Variants in CSDC2 observed in about 807,000 individuals in gnomAD.
The protein encoded by CSDC2 is cold shock domain-containing protein C2.
A neutral mutation model predicts 15.8 loss-of-function variants in CSDC2; 8 were observed. That is an observed-to-expected ratio of 0.51 (90% CI 0.30 to 0.92). The LOEUF (loss-of-function observed/expected upper bound fraction) is 0.92, where lower values mean the gene tolerates loss of function less well. Ranked by LOEUF, CSDC2 falls within the 40% of genes least tolerant of loss-of-function variation. The pLI, the probability that CSDC2 is intolerant of heterozygous loss-of-function variation, is 0.07. For synonymous variants in CSDC2, 96 were observed against 92.3 expected, an observed-to-expected ratio of 1.04 and a Z score of -0.23; for missense variants, 195 against 213.3, an observed-to-expected ratio of 0.91 and a Z score of 0.53.
In CSDC2 at chr22:41,574,714, C is replaced by T; in HGVS notation, c.300-19C>T. 6.2e-7 allele frequency: 1 copy of T among 1,612,286 alleles called. No individual in the cohort carries two copies. Among genetic ancestry groups the T allele is most frequent in the Non-Finnish European group, 8.5e-7 (1 of 1,179,516 alleles). ...ACAGGGCCTGCTGCTGGGCTAATAC[C>T]CCTCTTCCTGCCCGCCAGCATCGAG... On this transcript the variant is annotated intron_variant, in intron 3 of 3. Transcript: ENST00000306149.
chr22:41,569,296 T>C (rs5996038), intron 1 of CSDC2, among the ~76,000 whole-genome samples: 39,356 of 152,044 alleles, frequency 0.26, 5,874 homozygotes, highest in Admixed American at 0.44. Flanking sequence ...TCATATACCA[T>C]AAAATTCACC....
At chr22:41,562,865 A>G (rs965410637) in intron 1 of CSDC2, among the ~76,000 whole-genome samples, 2 of 152,032 alleles carry the variant, frequency 1.3e-5, no homozygotes, top group Non-Finnish European at 2.9e-5. Flanking sequence ...GTGGGGTCAC[A>G]CTGATTGGAG....
rs754976750 is a variant in CSDC2 at position 41,566,441 on chromosome 22, T to TA, written c.-124+5284dup. 3.4e-3 allele frequency among the ~76,000 whole-genome samples: 157 copies of TA among 45,806 alleles called. 1 individual carries two copies. Among genetic ancestry groups the TA allele is most frequent in the African/African-American group, 4.5e-3 (45 of 10,032 alleles). The allele number at this position is 45,806 out of a possible 152,430, so 30.1% of individuals were successfully genotyped here. On this transcript the variant is annotated intron_variant, in intron 1 of 3. Transcript: ENST00000306149. ...CCTGTTCACAGAGCAAGACTCCATC[T>TA]AAAAAAAAAAAAAAAAAAAAAAAAA...
At chr22:41,570,754 A>G (rs1157986995) in intron 1 of CSDC2, among the ~76,000 whole-genome samples, 1 of 149,290 alleles carries the variant, frequency 6.7e-6, no homozygotes, top group East Asian at 2.0e-4. Flanking sequence ...CCTGGGAGGC[A>G]GAAGTGACAG....
chr22:41,573,466 G>A (rs2067158302), intron 2 of CSDC2, among the ~76,000 whole-genome samples, 189 bp from the exon 3 acceptor site: 1 of 152,084 alleles, frequency 6.6e-6, no homozygotes. Flanking sequence ...CCAAAGTGCT[G>A]GGATTACAGG....
chr22:41,573,885 A>C, intron 3 of CSDC2, 108 bp downstream of exon 3: 3 of 1,386,184 alleles, frequency 2.2e-6, no homozygotes, highest in South Asian at 1.4e-5. Context: ...GTCTGTATTC[A>C]TGGTGCCTTT....
At chr22:41,570,007 T>G (rs1247699070) in intron 1 of CSDC2, among the ~76,000 whole-genome samples, 2 of 152,140 alleles carry the variant, frequency 1.3e-5, no homozygotes, top group Non-Finnish European at 2.9e-5. Context: ...CTCGAACTCC[T>G]GACCTCAAGT....
chr22:41,561,045 GACACACACACACACAC>G lies in CSDC2; in HGVS notation c.-240_-225del, dbSNP rs61037464. 1.5e-5 allele frequency: 2 copies of G among 132,060 alleles called. No homozygotes were observed. The highest frequency in any genetic ancestry group is 3.3e-5 in the Non-Finnish European group (2 of 60,574). The allele number at this position is 132,060 out of a possible 1,614,324, so 8.2% of individuals were successfully genotyped here. A position where few individuals can be genotyped will look rare whatever the true frequency, so the allele number is the denominator to read the frequency against. ...GGTACCGCCCGCGCGAGCACACACA[GACACACACACACACAC>G]ACACACACACACACACACACATCTT... On this transcript the variant is annotated 5_prime_UTR_variant, in exon 1 of 4. Transcript: ENST00000306149.
Position 41,574,789 on chromosome 22 carries a change from C to G in CSDC2, c.356C>G (p.Pro119Arg). The G allele has an allele frequency of 6.2e-7, 1 of 1,613,882 alleles. No homozygotes were observed. Among genetic ancestry groups the G allele is most frequent in the Non-Finnish European group, 8.5e-7 (1 of 1,180,026 alleles). ...GACGAGGTGACCTACAAGATGTGCC[C>G]TATCCCTCCCAAGAACCAGAAGTTC... ...EGDEVTYKMC[P>R]IPPKNQKFQA... Residue 119 changes from proline (P) to arginine (R), a missense_variant, in exon 4 of 4, where the codon CCT (proline) becomes CGT (arginine). Transcript: ENST00000306149.
At position 41,571,844 on chromosome 22, in the gene CSDC2, C is replaced by T. The variant is rs934138574; in HGVS notation, c.-122C>T. The T allele has an allele frequency of 2.3e-5, 13 of 553,562 alleles. No individual in the cohort carries two copies. The highest frequency in any genetic ancestry group is 3.9e-5 in the African/African-American group (2 of 50,860). 34.3% of individuals were successfully genotyped at this position (553,562 alleles called of 1,614,324 possible). A position where few individuals can be genotyped will look rare whatever the true frequency, so the allele number is the denominator to read the frequency against. ...TGTGCCTCTTTCTTCCTCTTCCAGA[C>T]GGAGCCCGTGGCTGGTGAGGCCGCA... On this transcript the variant is annotated splice_region_variant and 5_prime_UTR_variant, in exon 2 of 4. It adds an upstream start codon to the 5' untranslated region. Coordinates refer to ENST00000306149, the MANE Select transcript of CSDC2 (RefSeq NM_014460.4).
intron 1 of CSDC2, among the ~76,000 whole-genome samples, chr22:41,563,808 A>G (rs2067099485): frequency 6.6e-6 from 1 of 151,972 alleles, no homozygotes; most frequent in African/African-American, 2.4e-5. Context: ...GCAGTGGCTC[A>G]TGCCTGTAAT....
At chr22:41,570,596 T>A (rs957404364) in intron 1 of CSDC2, among the ~76,000 whole-genome samples, 1 of 151,294 alleles carries the variant, frequency 6.6e-6, no homozygotes, top group Non-Finnish European at 1.5e-5. Flanking sequence ...CCGAGGGAGG[T>A]AGATCAACTG....
chr22:41,575,138 G>A lies in CSDC2; in HGVS notation c.*243G>A, dbSNP rs1408830733. ...GGGCAAGGCCACCAGACCTGGCTTC[G>A]CGCTGTCCACTGCCTCTCTCCTCCC... On this transcript the variant is annotated 3_prime_UTR_variant, in exon 4 of 4. Transcript: ENST00000306149. 9 of 575,122 alleles carry A rather than the reference G, an allele frequency of 1.6e-5. No individual in the cohort carries two copies. The highest frequency in any genetic ancestry group is 4.2e-5 in the South Asian group (2 of 48,050). 35.6% of individuals were successfully genotyped at this position (575,122 alleles called of 1,614,324 possible).
chr22:41,570,653 C>G (rs982083691), intron 1 of CSDC2, among the ~76,000 whole-genome samples: 2 of 151,852 alleles, frequency 1.3e-5, no homozygotes, highest in African/African-American at 4.8e-5. Flanking sequence ...GAAACCCCGT[C>G]TCTACTAAAA....
chr22:41,572,311 T>C (rs897727087), intron 2 of CSDC2, among the ~76,000 whole-genome samples, 170 bp downstream of exon 2: 3 of 142,068 alleles, frequency 2.1e-5, no homozygotes, highest in Non-Finnish European at 4.6e-5. Flanking sequence ...CATCCACCCA[T>C]CCACCCATCC....
chr22:41,561,737 G>A (rs1321830586), intron 1 of CSDC2, among the ~76,000 whole-genome samples: 1 of 152,168 alleles, frequency 6.6e-6, no homozygotes. Context: ...GCTCCGTGTG[G>A]TTATTCTCTT....
chr22:41,572,364 C>G (rs2067149984), intron 2 of CSDC2, among the ~76,000 whole-genome samples: 1 of 52,738 alleles, frequency 1.9e-5, no homozygotes, highest in Non-Finnish European at 4.0e-5. Context: ...ACCCACCCAC[C>G]CACCCACCCA....
intron 1 of CSDC2, among the ~76,000 whole-genome samples, chr22:41,561,911 G>C (rs775064090): frequency 6.6e-6 from 1 of 152,162 alleles, no homozygotes; most frequent in Non-Finnish European, 1.5e-5. Context: ...GCCTTGGCTG[G>C]TGCCAAGCCC....
At chr22:41,562,491 G>A (rs4822038) in intron 1 of CSDC2, among the ~76,000 whole-genome samples, 26,238 of 151,704 alleles carry the variant, frequency 0.17, 3,240 homozygotes, top group Admixed American at 0.36. Context: ...GCCACAGATG[G>A]CTCTCCCAGG....
Sources: gnomAD v4.1 joint callset for allele counts (sites outside exome capture counted in the v4.1 genomes callset) on GRCh38, gnomAD v4.1.1 for gene constraint, MANE v1.5 for transcripts, NCBI Gene and HGNC (gene_info 2026-07-23, HGNC 2026-07-21) for gene names.